The following SDHB variants were observed in gnomAD, a reference collection of about 807,000 sequenced individuals.
The protein encoded by SDHB is succinate dehydrogenase complex iron sulfur subunit B, also known as succinate dehydrogenase [ubiquinone] iron-sulfur subunit, mitochondrial.
A neutral mutation model predicts 39.7 loss-of-function variants in SDHB; 21 were observed. The observed-to-expected ratio is 0.53, with a 90% confidence interval of 0.37 to 0.76. The LOEUF (loss-of-function observed/expected upper bound fraction) is 0.76. Among genes scored for constraint, SDHB ranks in the 30% least tolerant of loss-of-function variants. The pLI is 0.00. For missense variants in SDHB, 343 were observed against 350.9 expected (o/e 0.98, Z 0.18); for synonymous variants, 118 against 117.0 (o/e 1.01, Z -0.06).
chr1:17,046,350 T>A (rs933088719), intron 1 of SDHB, among the ~76,000 whole-genome samples: 1 of 121,510 alleles, frequency 8.2e-6, no homozygotes, highest in Admixed American at 8.4e-5. Context: ...TTGCTTAATG[T>A]CCCATTTTTT....
At chr1:17,040,802 T>C (rs1414628487) in intron 2 of SDHB, among the ~76,000 whole-genome samples, 3 of 151,996 alleles carry the variant, frequency 2.0e-5, no homozygotes, top group Non-Finnish European at 4.4e-5. Context: ...ACAGGAGCGC[T>C]TTCCCTTTTC....
rs868314472 is a variant in SDHB, at chr1:17,049,604, G to A, written c.72+4344C>T. ...GAGCAACCGCGCCTGGCCCCTAACC[G>A]GGCTTTAAACAGAATCTGGGACTGG... On this transcript the variant is annotated intron_variant, in intron 1 of 7. Transcript: ENST00000375499. Among the ~76,000 whole-genome samples the A allele has an allele frequency of 1.5e-4, 21 of 139,486 alleles. 1 individual carries two copies. In the Middle Eastern group the frequency reaches 0.027, roughly 181 times the overall value. 91.5% of individuals were successfully genotyped at this position (139,486 alleles called of 152,430 possible). A position where few individuals can be genotyped will look rare whatever the true frequency, so the allele number is the denominator to read the frequency against.
intron 2 of SDHB, among the ~76,000 whole-genome samples, chr1:17,042,498 C>T (rs1182275524): frequency 5.9e-5 from 9 of 152,118 alleles, no homozygotes; most frequent in Non-Finnish European, 1.3e-4. Flanking sequence ...TCGTTATGGG[C>T]TGGGTGCTGT....
At chr1:17,019,558 G>A (rs1341256675) in intron 7 of SDHB, among the ~76,000 whole-genome samples, 1 of 151,974 alleles carries the variant, frequency 6.6e-6, no homozygotes, top group Non-Finnish European at 1.5e-5. Flanking sequence ...TAGAAAGTAG[G>A]AAGTACTTTA....
chr1:17,045,140 C>T lies in SDHB; in HGVS notation c.73-252G>A. 8.2e-6 allele frequency: 4 copies of T among 490,780 alleles called. No individual in the cohort carries two copies. In the South Asian group the frequency reaches 8.4e-5, roughly 10 times the overall value. 30.4% of individuals were successfully genotyped at this position (490,780 alleles called of 1,614,324 possible). A position where few individuals can be genotyped will look rare whatever the true frequency, so the allele number is the denominator to read the frequency against. Reference sequence around the variant, plus strand: ...AAAACCTTCATCTTCACAGAACTTACTTTGTAGTGAACAAGAGTTAAATTA... The same window carrying T: ...AAAACCTTCATCTTCACAGAACTTATTTTGTAGTGAACAAGAGTTAAATTA... On this transcript the variant is annotated intron_variant, in intron 1 of 7. Coordinates refer to ENST00000375499, the MANE Select transcript of SDHB (RefSeq NM_003000.3).
chr1:17,044,194 A>T (rs1390681982), intron 2 of SDHB, among the ~76,000 whole-genome samples: 1 of 152,232 alleles, frequency 6.6e-6, no homozygotes, highest in East Asian at 1.9e-4. Context: ...TCAGCATTAA[A>T]AAAATGGTAA....
chr1:17,044,323 T>G (rs994745078), intron 2 of SDHB, among the ~76,000 whole-genome samples: 15 of 151,766 alleles, frequency 9.9e-5, no homozygotes, highest in African/African-American at 3.6e-4. Flanking sequence ...GGTAACAACC[T>G]CATTTTTTTT....
intron 2 of SDHB, among the ~76,000 whole-genome samples, chr1:17,034,794 T>C (rs1178335699): frequency 6.6e-6 from 1 of 152,216 alleles, no homozygotes; most frequent in South Asian, 2.1e-4. Flanking sequence ...AGAAGTGTTA[T>C]TGTTTTCAGT....
At chr1:17,053,250 C>T (rs2078158516) in intron 1 of SDHB, among the ~76,000 whole-genome samples, 1 of 152,146 alleles carries the variant, frequency 6.6e-6, no homozygotes. Flanking sequence ...CAGCGCCAAG[C>T]CCTCTACCTG....
At chr1:17,033,034 G>A in intron 3 of SDHB, 26 bp downstream of exon 3, 1 of 1,579,210 alleles carries the variant, frequency 6.3e-7, no homozygotes, top group Non-Finnish European at 8.7e-7. Context: ...CAAGTATCTG[G>A]AGCCCAACAG....
At chr1:17,051,175 T>G (rs1395739721) in intron 1 of SDHB, among the ~76,000 whole-genome samples, 1 of 152,196 alleles carries the variant, frequency 6.6e-6, no homozygotes, top group African/African-American at 2.4e-5. Context: ...TTTTTTCCCC[T>G]TGTTACCTGC....
At chr1:17,035,542 T>C (rs2078046364) in intron 2 of SDHB, among the ~76,000 whole-genome samples, 1 of 152,140 alleles carries the variant, frequency 6.6e-6, no homozygotes, top group Non-Finnish European at 1.5e-5. Context: ...CAAAGGCTAA[T>C]ATTTGCAGCC....
intron 2 of SDHB, among the ~76,000 whole-genome samples, chr1:17,039,205 A>G (rs951190387): frequency 6.6e-6 from 1 of 151,958 alleles, no homozygotes; most frequent in African/African-American, 2.4e-5. Flanking sequence ...ATTCTAAGTA[A>G]TATTTTTAGA....
intron 2 of SDHB, among the ~76,000 whole-genome samples, chr1:17,038,850 T>C (rs893151267): frequency 5.3e-5 from 8 of 152,238 alleles, no homozygotes; most frequent in African/African-American, 1.4e-4. Context: ...ATTTAACCCA[T>C]TATCATTTTT....
At chr1:17,045,582 G>C (rs373020224) in intron 1 of SDHB, among the ~76,000 whole-genome samples, 1 of 152,162 alleles carries the variant, frequency 6.6e-6, no homozygotes, top group Non-Finnish European at 1.5e-5. Flanking sequence ...CTGGGCAACA[G>C]AGTGAGACTC....
At chr1:17,048,340 A>C (rs2078125085) in intron 1 of SDHB, among the ~76,000 whole-genome samples, 1 of 152,220 alleles carries the variant, frequency 6.6e-6, no homozygotes, top group African/African-American at 2.4e-5. Flanking sequence ...GTTATAGCTG[A>C]GTAGCACTCC....
chr1:17,035,553 T>C (rs1456221054), intron 2 of SDHB, among the ~76,000 whole-genome samples: 5 of 152,158 alleles, frequency 3.3e-5, no homozygotes, highest in Admixed American at 3.3e-4. Context: ...ATTTGCAGCC[T>C]ATAAAAATTT....
chr1:17,021,911 G>A (rs748132672), intron 7 of SDHB, among the ~76,000 whole-genome samples: 8 of 152,250 alleles, frequency 5.3e-5, no homozygotes, highest in Admixed American at 2.0e-4. Flanking sequence ...GAAATTCTGT[G>A]ATAGTACCAC....
intron 4 of SDHB, 135 bp from the exon 5 acceptor site, chr1:17,028,000 C>T (rs2078001080): frequency 2.9e-6 from 2 of 684,614 alleles, no homozygotes; most frequent in Non-Finnish European, 5.3e-6. Flanking sequence ...AGACTCTTTT[C>T]CTTTGTCATG....
Sources: allele counts gnomAD v4.1 joint callset (sites outside exome capture counted in the v4.1 genomes callset), GRCh38; gene constraint gnomAD v4.1.1; transcripts MANE v1.5; gene names NCBI Gene and HGNC (gene_info 2026-07-23, HGNC 2026-07-21).